The following MALRD1 variants were observed in gnomAD, a reference collection of about 807,000 sequenced individuals.
The protein encoded by MALRD1 is MAM and LDL receptor class A domain containing 1, also known as MAM and LDL-receptor class A domain-containing protein 1.
Under a neutral mutation model 242.1 loss-of-function variants are expected in MALRD1, and 247 were observed. The ratio of observed to expected loss-of-function variants is 1.02; its 90% CI spans 0.92 to 1.13. MALRD1 has a LOEUF of 1.13. Ranked by LOEUF, MALRD1 falls within the 50% of genes most tolerant of loss-of-function variation. The pLI is 0.00. For missense variants in MALRD1, 2,989 were observed against 2,533.1 expected (o/e 1.18, Z -3.86); for synonymous variants, 995 against 866.6 (o/e 1.15, Z -2.60).
At chr10:19,257,235 T>C (rs1159731893) in intron 18 of MALRD1, among the ~76,000 whole-genome samples, 1 of 152,066 alleles carries the variant, frequency 6.6e-6, no homozygotes, top group Non-Finnish European at 1.5e-5. Context: ...CTTAAAACTG[T>C]ATATCCTAGC....
intron 32 of MALRD1, among the ~76,000 whole-genome samples, chr10:19,552,025 C>T (rs1835493742): frequency 6.6e-6 from 1 of 152,108 alleles, no homozygotes; most frequent in African/African-American, 2.4e-5. Context: ...CATTCATGTT[C>T]ATCAAAGATA....
chr10:19,426,530 G>A (rs7090490), intron 28 of MALRD1, among the ~76,000 whole-genome samples: 13,453 of 152,146 alleles, frequency 0.088, 1,099 homozygotes, highest in African/African-American at 0.22. Context: ...GGCTGGGCAC[G>A]GTGGCTCACG....
At chr10:19,097,958 TCTTA>T (rs941995733) in intron 4 of MALRD1, among the ~76,000 whole-genome samples, 6 of 152,196 alleles carry the variant, frequency 3.9e-5, no homozygotes, top group African/African-American at 1.4e-4. Flanking sequence ...GCGTTCCTCC[TCTTA>T]CTTTCGGGAA....
intron 8 of MALRD1, among the ~76,000 whole-genome samples, chr10:19,130,720 A>G (rs1833066398): frequency 6.6e-6 from 1 of 152,142 alleles, no homozygotes. Flanking sequence ...GTAATTATGA[A>G]TGTATGTATT....
At chr10:19,288,430 C>T (rs1841245689) in intron 21 of MALRD1, among the ~76,000 whole-genome samples, 1 of 152,026 alleles carries the variant, frequency 6.6e-6, no homozygotes, top group East Asian at 1.9e-4. Context: ...TCCCCACCTC[C>T]CTCCCAGCCT....
intron 17 of MALRD1, among the ~76,000 whole-genome samples, chr10:19,207,888 G>A (rs955807888): frequency 5.9e-5 from 9 of 152,120 alleles, no homozygotes; most frequent in African/African-American, 2.2e-4. Context: ...TGCCTGCACC[G>A]TAACTCTTGC....
intron 27 of MALRD1, 99 bp downstream of exon 27, chr10:19,387,872 C>CA (rs1846153317): frequency 1.4e-5 from 20 of 1,391,836 alleles, no homozygotes; most frequent in South Asian, 9.1e-5. Context: ...AAGAGACCAC[C>CA]ACGATGGTAT....
chr10:19,595,870 T>G (rs1342308037), intron 34 of MALRD1, among the ~76,000 whole-genome samples: 2 of 152,166 alleles, frequency 1.3e-5, no homozygotes, highest in Non-Finnish European at 2.9e-5. Flanking sequence ...GTGACAAATA[T>G]TGATTTTAAT....
intron 24 of MALRD1, among the ~76,000 whole-genome samples, chr10:19,345,406 C>T (rs79290887): frequency 0.058 from 8,814 of 152,050 alleles, 519 homozygotes; most frequent in African/African-American, 0.15. Context: ...TTTTATAGTT[C>T]TTAACTAAGA....
chr10:19,337,925 G>C (rs1338343115), intron 24 of MALRD1, among the ~76,000 whole-genome samples: 2 of 151,860 alleles, frequency 1.3e-5, no homozygotes, highest in Non-Finnish European at 2.9e-5. Context: ...AGCTGGGCGT[G>C]GTGACACACA....
chr10:19,190,219 G>T (rs1454999045), intron 14 of MALRD1, among the ~76,000 whole-genome samples: 2 of 151,594 alleles, frequency 1.3e-5, no homozygotes, highest in East Asian at 3.9e-4. Context: ...ACAGAAAAAA[G>T]AATAAAAGTC....
At chr10:19,281,708 A>G (rs1051051429) in intron 20 of MALRD1, among the ~76,000 whole-genome samples, 5 of 152,172 alleles carry the variant, frequency 3.3e-5, no homozygotes, top group Non-Finnish European at 7.4e-5. Context: ...GCAGTGGCTC[A>G]CGCCTGTAAT....
At chr10:19,716,337 C>T (rs1285593585) in intron 38 of MALRD1, among the ~76,000 whole-genome samples, 2 of 152,088 alleles carry the variant, frequency 1.3e-5, no homozygotes, top group African/African-American at 2.4e-5. Flanking sequence ...TTAGCACCAT[C>T]CCCCCCAGTG....
chr10:19,446,493 T>C (rs190906858), intron 28 of MALRD1, among the ~76,000 whole-genome samples: 1 of 152,342 alleles, frequency 6.6e-6, no homozygotes, highest in Non-Finnish European at 1.5e-5. Flanking sequence ...ACTTCAAACA[T>C]ATGAAATGGA....
chr10:19,327,501 A>G (rs2130908534), intron 22 of MALRD1, 62 bp from the exon 23 acceptor site: 4 of 1,296,130 alleles, frequency 3.1e-6, no homozygotes, highest in South Asian at 1.4e-5. Context: ...GAAGAATTCT[A>G]CATGTTTGCA....
At chr10:19,250,173 G>A (rs1343970994) in intron 18 of MALRD1, among the ~76,000 whole-genome samples, 4 of 151,900 alleles carry the variant, frequency 2.6e-5, no homozygotes, top group Non-Finnish European at 5.9e-5. Flanking sequence ...TGAGCCTATT[G>A]ATCGGACAGT....
At chr10:19,246,457 A>G (rs1377621043) in intron 18 of MALRD1, among the ~76,000 whole-genome samples, 1 of 152,158 alleles carries the variant, frequency 6.6e-6, no homozygotes, top group Non-Finnish European at 1.5e-5. Context: ...CTGCTGTAAA[A>G]TGCCTGGGCA....
intron 31 of MALRD1, among the ~76,000 whole-genome samples, chr10:19,523,656 G>A (rs12262594): frequency 0.036 from 5,530 of 152,214 alleles, 184 homozygotes; most frequent in African/African-American, 0.092. Flanking sequence ...CTTGTCTCTA[G>A]CTGTAACTTA....
At chr10:19,523,189 C>T (rs1303767949) in intron 31 of MALRD1, among the ~76,000 whole-genome samples, 1 of 152,090 alleles carries the variant, frequency 6.6e-6, no homozygotes, top group Non-Finnish European at 1.5e-5. Flanking sequence ...GGTCACATAC[C>T]TAATAAGTGG....
Sources: gnomAD v4.1 joint callset for allele counts (sites outside exome capture counted in the v4.1 genomes callset) on GRCh38, gnomAD v4.1.1 for gene constraint, MANE v1.5 for transcripts, NCBI Gene and HGNC (gene_info 2026-07-23, HGNC 2026-07-21) for gene names.